The following ATF6 variants were observed in gnomAD, a reference collection of about 807,000 sequenced individuals.
ATF6 encodes activating transcription factor 6.
Under a neutral mutation model 83.6 loss-of-function variants are expected in ATF6, and 53 were observed. The ratio of observed to expected loss-of-function variants is 0.63; its 90% CI spans 0.51 to 0.80. ATF6 has a LOEUF of 0.80. Ranked by LOEUF, ATF6 falls within the 30% of genes least tolerant of loss-of-function variation. The pLI is 0.00. For missense variants in ATF6, 744 were observed against 797.9 expected (o/e 0.93, Z 0.81); for synonymous variants, 288 against 285.8 (o/e 1.01, Z -0.08).
chr1:161,802,618 C>T (rs548654806), intron 7 of ATF6, among the ~76,000 whole-genome samples: 31 of 152,256 alleles, frequency 2.0e-4, no homozygotes, highest in African/African-American at 6.3e-4. Flanking sequence ...ACAGATTCAA[C>T]GTTTCCTGAT....
chr1:161,773,071 G>A (rs1455113975), intron 1 of ATF6, among the ~76,000 whole-genome samples: 1 of 148,288 alleles, frequency 6.7e-6, no homozygotes, highest in Non-Finnish European at 1.5e-5. Context: ...GGATTCAAGC[G>A]ATTCCCGCCT....
chr1:161,871,515 A>T (rs1307042187), intron 14 of ATF6, among the ~76,000 whole-genome samples: 1 of 151,706 alleles, frequency 6.6e-6, no homozygotes, highest in African/African-American at 2.4e-5. Context: ...GAAGAAAGGT[A>T]GGATTTAATG....
intron 15 of ATF6, among the ~76,000 whole-genome samples, chr1:161,926,739 A>T (rs758076456): frequency 5.3e-5 from 8 of 152,118 alleles, no homozygotes; most frequent in Non-Finnish European, 1.2e-4. Context: ...CTTGTCAAAG[A>T]ATGTAAAGAG....
chr1:161,957,053 A>G (rs1688980181), intron 15 of ATF6, among the ~76,000 whole-genome samples: 1 of 152,114 alleles, frequency 6.6e-6, no homozygotes, highest in Non-Finnish European at 1.5e-5. Context: ...TTAGCTCTCT[A>G]AGTGACAAGC....
rs1239959564 is a variant in ATF6 at position 161,851,828 on chromosome 1, T to C, written c.1426T>C (p.Ser476Pro). ...TCAGCCCCTAATTAACACAACAGAGTCTCTCAGGTGAGTGTTGTAGATTAT... is the reference window on the plus strand; with the variant it reads ...TCAGCCCCTAATTAACACAACAGAGCCTCTCAGGTGAGTGTTGTAGATTAT... ...PCQPLINTTE[S>P]LRLNHELRGW... is the part of the protein sequence containing the mutation. The change falls in exon 11 of 16, where the codon TCT becomes CCT. Residue 476 changes from serine to proline, a missense_variant. By Grantham distance (74) the Ser-to-Pro change is moderately conservative. Transcript: ENST00000367942. The C allele has an allele frequency of 6.2e-7, 1 of 1,610,290 alleles. No homozygotes were observed. Among genetic ancestry groups the C allele is most frequent in the Non-Finnish European group, 8.5e-7 (1 of 1,176,724 alleles).
rs577603827 is a variant in ATF6 at position 161,874,147 on chromosome 1, A to G, written c.1719+10835A>G. 4.0e-4 allele frequency among the ~76,000 whole-genome samples: 60 copies of G among 151,720 alleles called. 2 individuals carry two copies. In the South Asian group the frequency reaches 0.012, roughly 30 times the overall value. On this transcript the variant is annotated intron_variant, in intron 14 of 15. Coordinates refer to ENST00000367942, the MANE Select transcript of ATF6 (RefSeq NM_007348.4). ...CTAGTAAGAATTTCTCTGGGTTTCA[A>G]AGTCAGAACACTGATCTTGGTAATA... is the stretch of plus-strand genomic sequence containing the variant.
intron 4 of ATF6, among the ~76,000 whole-genome samples, chr1:161,788,974 T>G (rs1020938845): frequency 5.3e-5 from 8 of 152,090 alleles, no homozygotes; most frequent in Non-Finnish European, 8.8e-5. Flanking sequence ...AGTGAAATAT[T>G]TATTTATTTG....
chr1:161,960,570 G>A lies in ATF6; in HGVS notation c.*1916G>A, dbSNP rs1359718294. 2.6e-5 allele frequency: 4 copies of A among 152,224 alleles called. No homozygotes were observed. The highest frequency in any genetic ancestry group is 6.5e-5 in the Admixed American group (1 of 15,288). The allele number at this position is 152,224 out of a possible 1,614,324, so 9.4% of individuals were successfully genotyped here. A position where few individuals can be genotyped will look rare whatever the true frequency, so the allele number is the denominator to read the frequency against. On this transcript the variant is annotated 3_prime_UTR_variant, in exon 16 of 16. Transcript: ENST00000367942. ...AAGGAAATCAGTTCAACTTTTGTGA[G>A]CGGGGAAAAGCAGGGCTTTATTGTT...
chr1:161,863,328 A>G lies in ATF6; in HGVS notation c.1719+16A>G, dbSNP rs1686925197. The G allele has an allele frequency of 6.6e-7, 1 of 1,525,708 alleles. No homozygotes were observed. The highest frequency in any genetic ancestry group is 1.7e-5 in the Admixed American group (1 of 59,850). 94.5% of individuals were successfully genotyped at this position (1,525,708 alleles called of 1,614,324 possible). On this transcript the variant is annotated intron_variant, in intron 14 of 15. Transcript: ENST00000367942. ...ATTTCGAAGGGTAAGTTCATCTTGA[A>G]AGAATAGAGCAAATATTTTTGAGTG...
At chr1:161,956,278 G>A (rs978370608) in intron 15 of ATF6, among the ~76,000 whole-genome samples, 18 of 152,064 alleles carry the variant, frequency 1.2e-4, no homozygotes, top group Non-Finnish European at 1.5e-5. Flanking sequence ...GTCTTCCACA[G>A]TGCATGCGCA....
intron 14 of ATF6, among the ~76,000 whole-genome samples, chr1:161,889,784 A>G (rs569766320): frequency 8.5e-4 from 130 of 152,370 alleles, no homozygotes; most frequent in African/African-American, 3.0e-3. Flanking sequence ...TGTTACAAAG[A>G]ACAAAAGGAA....
chr1:161,895,015 G>A (rs532057348), intron 14 of ATF6, among the ~76,000 whole-genome samples: 71 of 152,116 alleles, frequency 4.7e-4, no homozygotes, highest in Admixed American at 1.2e-3. Context: ...AAGGTGGGCA[G>A]AACACTTGAA....
At chr1:161,778,154 T>G in intron 1 of ATF6, 90 bp from the exon 2 acceptor site, 2 of 1,000,616 alleles carry the variant, frequency 2.0e-6, no homozygotes, top group Non-Finnish European at 3.0e-6. Flanking sequence ...ATGAGAAACC[T>G]TAATAGAGGT....
rs558862495 is a variant in ATF6 at position 161,963,205 on chromosome 1, C to T, written c.*4551C>T. 11 of 152,180 alleles carry T rather than the reference C, an allele frequency of 7.2e-5. No individual in the cohort carries two copies. Among genetic ancestry groups the T allele is most frequent in the Non-Finnish European group, 1.3e-4 (9 of 68,018 alleles). 9.4% of individuals were successfully genotyped at this position (152,180 alleles called of 1,614,324 possible). A position where few individuals can be genotyped will look rare whatever the true frequency, so the allele number is the denominator to read the frequency against. ...AAAGTAAAGTGTGTTCTGTTCTTAT[C>T]TTTTTAATGACTAAGCTTTAAACAG... On this transcript the variant is annotated 3_prime_UTR_variant, in exon 16 of 16. Coordinates refer to ENST00000367942, the MANE Select transcript of ATF6 (RefSeq NM_007348.4).
At chr1:161,804,240 T>G (rs1184983306) in intron 7 of ATF6, among the ~76,000 whole-genome samples, 1 of 152,010 alleles carries the variant, frequency 6.6e-6, no homozygotes. Flanking sequence ...ATGTAATATG[T>G]TAGGACATTT....
intron 1 of ATF6, among the ~76,000 whole-genome samples, chr1:161,775,247 G>A (rs1444384210): frequency 1.3e-5 from 2 of 152,114 alleles, no homozygotes; most frequent in Non-Finnish European, 2.9e-5. Context: ...TATCTTCTAG[G>A]TTTCACCACT....
intron 14 of ATF6, among the ~76,000 whole-genome samples, chr1:161,907,996 A>G (rs575869896): frequency 2.6e-5 from 4 of 152,346 alleles, no homozygotes; most frequent in African/African-American, 9.6e-5. Flanking sequence ...AGAACATTTT[A>G]AAACTTACCT....
rs180766531 is a variant in ATF6, at chr1:161,781,396, A to G, written c.160-516A>G. On this transcript the variant is annotated intron_variant, in intron 2 of 15. Coordinates refer to ENST00000367942, the MANE Select transcript of ATF6 (RefSeq NM_007348.4). ...AAGGAAAATTACTCAGTGATTCATA[A>G]AAGTTTTAGAAATTTAGGAAGTATA... 2.0e-5 allele frequency among the ~76,000 whole-genome samples: 3 copies of G among 152,304 alleles called. No individual in the cohort carries two copies. The East Asian group carries it at 5.8e-4, about 29-fold the overall frequency.
intron 14 of ATF6, among the ~76,000 whole-genome samples, chr1:161,869,314 T>A (rs1687075201): frequency 6.6e-6 from 1 of 151,930 alleles, no homozygotes; most frequent in Admixed American, 6.6e-5. Context: ...TGTATATATA[T>A]AAAAATTCAA....
Sources: gnomAD v4.1 joint callset for allele counts (sites outside exome capture counted in the v4.1 genomes callset) on GRCh38, gnomAD v4.1.1 for gene constraint, MANE v1.5 for transcripts, NCBI Gene and HGNC (gene_info 2026-07-23, HGNC 2026-07-21) for gene names.